The following GDI2 variants were observed in gnomAD, a reference collection of about 807,000 sequenced individuals.
The protein encoded by GDI2 is rab GDP dissociation inhibitor beta.
GDI2 carries 22 observed loss-of-function variants against 54.2 expected under a neutral mutation model. That is an observed-to-expected ratio of 0.41 (90% CI 0.29 to 0.58). GDI2 has a LOEUF of 0.58. Among genes scored for constraint, GDI2 ranks in the 20% least tolerant of loss-of-function variants. GDI2 has a pLI of 0.35. For synonymous variants in GDI2, 177 were observed against 182.1 expected (o/e 0.97, Z 0.23); for missense variants, 422 against 546.0 (o/e 0.77, Z 2.26).
In GDI2 at chr10:5,768,505, T is replaced by C. The variant is rs945621460; in HGVS notation, c.820-121A>G. 6.1e-6 allele frequency: 4 copies of C among 659,312 alleles called. No homozygotes were observed. The highest frequency in any genetic ancestry group is 2.0e-5 in the South Asian group (1 of 50,976). 40.8% of individuals were successfully genotyped at this position (659,312 alleles called of 1,614,324 possible). ...ATCAAAAACCATCCTCAAGTTCATA[T>C]TGGTTCCCAAGGGATTGAATTCTGG... is the stretch of plus-strand genomic sequence containing the variant. On this transcript the variant is annotated intron_variant, in intron 7 of 10. Transcript: ENST00000380191. This position sits in a 1 kb window ranked among gnomAD's most constrained non-coding sequence, Gnocchi z 4.4.
At chr10:5,773,680 T>C (rs552956095) in intron 7 of GDI2, among the ~76,000 whole-genome samples, 162 bp downstream of exon 7, 1 of 152,316 alleles carries the variant, frequency 6.6e-6, no homozygotes, top group South Asian at 2.1e-4. Flanking sequence ...AAGATGCTTT[T>C]AAAACAAAGC....
chr10:5,781,068 A>C (rs1840743457), intron 6 of GDI2, among the ~76,000 whole-genome samples: 1 of 152,084 alleles, frequency 6.6e-6, no homozygotes, highest in Non-Finnish European at 1.5e-5. Flanking sequence ...TGAGTCCCAA[A>C]ACAAACTCAT....
chr10:5,791,426 A>G (rs1276638183), intron 4 of GDI2, among the ~76,000 whole-genome samples: 2 of 152,206 alleles, frequency 1.3e-5, no homozygotes, highest in African/African-American at 2.4e-5. Flanking sequence ...CCTGGCCAAC[A>G]TGGCGAAACC....
chr10:5,766,586 C>T lies in GDI2; in HGVS notation c.1044G>A (p.Lys348=), dbSNP rs758509403. The T allele has an allele frequency of 3.7e-6, 6 of 1,612,574 alleles. No homozygotes were observed. The highest frequency in any genetic ancestry group is 2.7e-5 in the African/African-American group (2 of 74,886). The change falls in exon 9 of 11, where the codon AAG becomes AAA. Residue 348 remains lysine (K), a synonymous_variant. Transcript: ENST00000380191. This position sits in a 1 kb window ranked among gnomAD's most constrained non-coding sequence, Gnocchi z 5.8. ...CAGTTGTACTAACTATAGCAATGTA[C>T]TTCCCTTGTGCTGCTACATTGTGCG... ...SFAHNVAAQG[K]YIAIVSTTVE...
Position 5,776,914 on chromosome 10 carries a change from A to C in GDI2, c.720-2973T>G. On this transcript the variant is annotated intron_variant, in intron 6 of 10. Transcript: ENST00000380191. This position sits in a 1 kb window ranked among gnomAD's most constrained non-coding sequence, Gnocchi z 5.3. ...AGAGGAAATAATGCGAAAACAGTTA[A>C]TCCAGCAAAAAAATTAAAAGGGAAA... The C allele has an allele frequency of 1.4e-6, 1 of 725,844 alleles. No individual in the cohort carries two copies. The highest frequency in any genetic ancestry group is 2.2e-6 in the Non-Finnish European group (1 of 454,232). The allele number at this position is 725,844 out of a possible 1,614,324, so 45.0% of individuals were successfully genotyped here.
Position 5,768,368 on chromosome 10 carries a change from T to TC in GDI2, c.835_836insG (p.Gln279ArgfsTer5), listed in dbSNP as rs1840407508. On this transcript the variant is annotated frameshift_variant, in exon 8 of 11. Coordinates refer to ENST00000380191, the MANE Select transcript of GDI2 (RefSeq NM_001494.4). LOFTEE classifies it high-confidence loss of function. The surrounding 1 kb of genome is among the most constrained non-coding windows in gnomAD (Gnocchi z 4.4). ...TACGTAGCTGGGGTCACAGATGAGC[T>TC]GCTTACAGCGAGCAATCTATAACAA... 6.2e-7 allele frequency: 1 copy of TC among 1,612,210 alleles called. No individual in the cohort carries two copies. The highest frequency in any genetic ancestry group is 8.5e-7 in the Non-Finnish European group (1 of 1,178,280).
intron 4 of GDI2, among the ~76,000 whole-genome samples, chr10:5,789,348 C>T (rs1588978349): frequency 6.6e-6 from 1 of 152,264 alleles, no homozygotes; most frequent in African/African-American, 2.4e-5. Context: ...GATCCACCCA[C>T]CTCAACCTCC....
chr10:5,776,447 A>G lies in GDI2; in HGVS notation c.720-2506T>C, dbSNP rs989688829. 10 of 870,334 alleles carry G rather than the reference A, an allele frequency of 1.1e-5. No homozygotes were observed. Among genetic ancestry groups the G allele is most frequent in the Non-Finnish European group, 1.8e-5 (9 of 506,242 alleles). 53.9% of individuals were successfully genotyped at this position (870,334 alleles called of 1,614,324 possible). ...TTGACAGGGATCCAGACACGCTACT[A>G]TTTTTACTTTAGCAAAAGAGTGAGC... is the stretch of plus-strand genomic sequence containing the variant. On this transcript the variant is annotated intron_variant, in intron 6 of 10. Coordinates refer to ENST00000380191, the MANE Select transcript of GDI2 (RefSeq NM_001494.4). The surrounding 1 kb of genome is among the most constrained non-coding windows in gnomAD (Gnocchi z 5.3).
chr10:5,783,700 T>C (rs2098024339), intron 6 of GDI2, among the ~76,000 whole-genome samples: 1 of 152,222 alleles, frequency 6.6e-6, no homozygotes. Context: ...CTTTCCTTCA[T>C]TTATGAAGCT....
At chr10:5,790,760 A>G (rs1285879091) in intron 4 of GDI2, among the ~76,000 whole-genome samples, 1 of 152,230 alleles carries the variant, frequency 6.6e-6, no homozygotes, top group East Asian at 1.9e-4. Context: ...AGAAGTGTCA[A>G]AAGTCTTGAA....
At chr10:5,801,146 T>G (rs1841262077) in intron 1 of GDI2, among the ~76,000 whole-genome samples, 1 of 151,598 alleles carries the variant, frequency 6.6e-6, no homozygotes, top group African/African-American at 2.4e-5. Flanking sequence ...AGAGACAGGG[T>G]TTCACCATGT....
intron 4 of GDI2, among the ~76,000 whole-genome samples, chr10:5,788,970 T>C (rs1179781549): frequency 6.6e-6 from 1 of 152,172 alleles, no homozygotes; most frequent in East Asian, 1.9e-4. Flanking sequence ...TTTCACCATG[T>C]TGGACAGGCT....
In GDI2 at chr10:5,785,109, T is replaced by C. The variant is rs371341005; in HGVS notation, c.719+33A>G. 13 of 1,514,838 alleles carry C rather than the reference T, an allele frequency of 8.6e-6. No homozygotes were observed. The African/African-American group carries it at 1.5e-4, about 18-fold the overall frequency. 93.8% of individuals were successfully genotyped at this position (1,514,838 alleles called of 1,614,324 possible). A position where few individuals can be genotyped will look rare whatever the true frequency, so the allele number is the denominator to read the frequency against. ...ACACATTATGTTGAAGATGAGGTTT[T>C]GGATCACTGAGGTTTTAAACACAGG... On this transcript the variant is annotated intron_variant, in intron 6 of 10. Coordinates refer to ENST00000380191, the MANE Select transcript of GDI2 (RefSeq NM_001494.4).
At chr10:5,800,008 T>TA (rs1841232725) in intron 2 of GDI2, among the ~76,000 whole-genome samples, 1 of 152,226 alleles carries the variant, frequency 6.6e-6, no homozygotes, top group African/African-American at 2.4e-5. Context: ...AAGTATTGTC[T>TA]AATAAGTCAC....
At chr10:5,788,301 T>TA (rs1473403958) in intron 4 of GDI2, among the ~76,000 whole-genome samples, 1 of 152,088 alleles carries the variant, frequency 6.6e-6, no homozygotes, top group African/African-American at 2.4e-5. Context: ...ACCTAGTCCC[T>TA]ACTAGGTAGA....
At chr10:5,796,649 T>A in intron 3 of GDI2, 114 bp downstream of exon 3, 1 of 645,142 alleles carries the variant, frequency 1.6e-6, no homozygotes, top group Non-Finnish European at 2.8e-6. Context: ...CCATGCTGTT[T>A]CATTCAACAA....
At chr10:5,778,319 TATA>T (rs1225412580) in intron 6 of GDI2, among the ~76,000 whole-genome samples, 2 of 152,230 alleles carry the variant, frequency 1.3e-5, no homozygotes, top group African/African-American at 4.8e-5. Flanking sequence ...ATAATTAATC[TATA>T]ATGCCATAAA....
intron 1 of GDI2, among the ~76,000 whole-genome samples, chr10:5,807,860 G>A (rs1034145213): frequency 6.6e-6 from 1 of 152,114 alleles, no homozygotes; most frequent in South Asian, 2.1e-4. Flanking sequence ...CACCTGAAGA[G>A]GCTGAATGAA....
intron 1 of GDI2, among the ~76,000 whole-genome samples, chr10:5,811,152 A>AT (rs1841473400): frequency 1.3e-5 from 2 of 152,184 alleles, no homozygotes; most frequent in African/African-American, 4.8e-5. Flanking sequence ...ATGATTTCTC[A>AT]TTATCAAAAT....
Sources: allele counts gnomAD v4.1 joint callset (sites outside exome capture counted in the v4.1 genomes callset), GRCh38; gene constraint gnomAD v4.1.1; non-coding constraint Gnocchi (gnomAD v3.1); transcripts MANE v1.5; gene names NCBI Gene and HGNC (gene_info 2026-07-23, HGNC 2026-07-21).